Variants in SPRY3 observed in about 807,000 individuals in gnomAD.
SPRY3 encodes protein sprouty homolog 3.
Under a neutral mutation model 20.2 loss-of-function variants are expected in SPRY3, and 15 were observed. The ratio of observed to expected loss-of-function variants is 0.74; its 90% confidence interval spans 0.50 to 1.14. The LOEUF (loss-of-function observed/expected upper bound fraction) is 1.14, where lower values mean the gene tolerates loss of function less well. SPRY3 is among the 50% of genes most tolerant of loss of function. SPRY3 has a pLI of 0.00. For synonymous variants in SPRY3, 143 were observed against 136.5 expected (o/e 1.05, Z -0.33); for missense variants, 364 against 363.9 (o/e 1.00, Z 0.00).
At chrX:155,765,221 A>C (rs1363987887) in intron 2 of SPRY3, among the ~76,000 whole-genome samples, 1 of 152,116 alleles carries the variant, frequency 6.6e-6, no homozygotes, top group Non-Finnish European at 1.5e-5. Context: ...TTAGAACAAA[A>C]ATCCCTGAAG....
At chrX:155,697,337 C>T (rs929700184) in intron 2 of SPRY3, among the ~76,000 whole-genome samples, 10 of 110,184 alleles carry the variant, frequency 9.1e-5, no homozygotes, top group South Asian at 3.9e-4. Flanking sequence ...TGAATTTGGA[C>T]GGGAAGTTAC....
At chrX:155,634,845 A>G (rs1221120801) in intron 1 of SPRY3, among the ~76,000 whole-genome samples, 2 of 107,219 alleles carry the variant, frequency 1.9e-5, no homozygotes, top group Admixed American at 1.0e-4. Flanking sequence ...CCTAAGTTAT[A>G]TATATATATT....
chrX:155,726,755 G>A (rs758901142), intron 2 of SPRY3, among the ~76,000 whole-genome samples: 1 of 152,228 alleles, frequency 6.6e-6, no homozygotes, highest in Non-Finnish European at 1.5e-5. Context: ...GCACACTGAT[G>A]GGTCTTGACT....
At chrX:155,761,708 G>T in intron 2 of SPRY3, among the ~76,000 whole-genome samples, 1 of 140,798 alleles carries the variant, frequency 7.1e-6, no homozygotes. Context: ...AGCCTTGCCA[G>T]CACCTATTTT....
chrX:155,720,291 C>G (rs306933), intron 2 of SPRY3, among the ~76,000 whole-genome samples: 38,086 of 152,050 alleles, frequency 0.25, 5,047 homozygotes, highest in African/African-American at 0.4. Flanking sequence ...AATAGAACAC[C>G]ATTAGACTTC....
At chrX:155,733,145 A>G (rs2091145207) in intron 2 of SPRY3, among the ~76,000 whole-genome samples, 1 of 151,934 alleles carries the variant, frequency 6.6e-6, no homozygotes, top group African/African-American at 2.4e-5. Flanking sequence ...TAAGATAACT[A>G]AAAGAGTATG....
At chrX:155,710,178 CT>C (rs768040721) in intron 2 of SPRY3, among the ~76,000 whole-genome samples, 1 of 151,202 alleles carries the variant, frequency 6.6e-6, no homozygotes, top group African/African-American at 2.4e-5. Flanking sequence ...TTTAGAATTG[CT>C]TTTTTTTATT....
chrX:155,743,353 G>T (rs1389535439), intron 2 of SPRY3, among the ~76,000 whole-genome samples: 1 of 152,060 alleles, frequency 6.6e-6, no homozygotes, highest in Non-Finnish European at 1.5e-5. Flanking sequence ...TGTGCACATG[G>T]TCATGCCAAG....
intron 2 of SPRY3, among the ~76,000 whole-genome samples, chrX:155,696,448 A>G (rs895007320): frequency 1.5e-4 from 17 of 111,446 alleles, no homozygotes; most frequent in African/African-American, 4.9e-4. Flanking sequence ...TAAAACAAAT[A>G]TACACAGCAA....
chrX:155,766,674 A>G (rs1361212793), intron 2 of SPRY3, among the ~76,000 whole-genome samples: 1 of 152,186 alleles, frequency 6.6e-6, no homozygotes, highest in African/African-American at 2.4e-5. Flanking sequence ...ATTGAATTAA[A>G]TAGTGGACTG....
At chrX:155,713,330 T>C in intron 2 of SPRY3, among the ~76,000 whole-genome samples, 2 of 152,270 alleles carry the variant, frequency 1.3e-5, no homozygotes, top group East Asian at 3.9e-4. Context: ...TTCTCATTAA[T>C]GCCCATTAAT....
At chrX:155,773,336 A>ATATATATATATT (rs1255722618) in intron 3 of SPRY3, among the ~76,000 whole-genome samples, 18 of 145,356 alleles carry the variant, frequency 1.2e-4, no homozygotes, top group Non-Finnish European at 2.7e-4. Flanking sequence ...ATATATATAT[A>ATATATATATATT]TATATGAGCA....
At chrX:155,638,335 T>A (rs1557351209) in intron 1 of SPRY3, among the ~76,000 whole-genome samples, 1 of 3,621 alleles carries the variant, frequency 2.8e-4, no homozygotes, top group African/African-American at 4.0e-4. Context: ...TATATATATA[T>A]ATATATATAT....
In SPRY3 at chrX:155,654,958, T is replaced by C. The variant is rs1482439834; in HGVS notation, c.-440-1909T>C. Among the ~76,000 whole-genome samples, 3 of 111,491 alleles carry C rather than the reference T, an allele frequency of 2.7e-5. No individual in the cohort carries two copies. In the Admixed American group the frequency reaches 2.9e-4, roughly 11 times the overall value. ...ATCCCCACACTGTTTTCTGTAGAGGTTGTATTAATTTACATTTCCATCAAC... is the reference window on the plus strand; with the variant it reads ...ATCCCCACACTGTTTTCTGTAGAGGCTGTATTAATTTACATTTCCATCAAC... On this transcript the variant is annotated intron_variant, in intron 1 of 3. Coordinates refer to ENST00000675360, the Ensembl canonical transcript of SPRY3.
At chrX:155,650,568 T>C (rs2067973544) in intron 1 of SPRY3, among the ~76,000 whole-genome samples, 1 of 112,131 alleles carries the variant, frequency 8.9e-6, no homozygotes, top group Non-Finnish European at 1.9e-5. Context: ...GGATGCAGCG[T>C]TCTATATATG....
At chrX:155,748,889 G>C (rs987722751) in intron 2 of SPRY3, among the ~76,000 whole-genome samples, 1 of 151,758 alleles carries the variant, frequency 6.6e-6, no homozygotes, top group African/African-American at 2.4e-5. Context: ...TTCTAATCTA[G>C]GTCTTCATAT....
intron 3 of SPRY3, 141 bp downstream of exon 2, chrX:155,768,277 G>C (rs750257727): frequency 7.2e-5 from 11 of 152,152 alleles, no homozygotes; most frequent in Admixed American, 3.3e-4. Context: ...CAAGCGCATG[G>C]ATAAAATAAA....
At chrX:155,766,633 G>C (rs1569399181) in intron 2 of SPRY3, among the ~76,000 whole-genome samples, 1 of 152,152 alleles carries the variant, frequency 6.6e-6, no homozygotes, top group Admixed American at 6.5e-5. Context: ...AAGTTCTTCT[G>C]TCTGGATGCC....
At chrX:155,758,807 T>C (rs372233014) in intron 2 of SPRY3, among the ~76,000 whole-genome samples, 8 of 152,216 alleles carry the variant, frequency 5.3e-5, no homozygotes, top group African/African-American at 1.9e-4. Context: ...TTTGACACTA[T>C]ATTGGACTAT....
Sources: allele counts gnomAD v4.1 joint callset (sites outside exome capture counted in the v4.1 genomes callset), GRCh38; gene constraint gnomAD v4.1.1; transcripts MANE v1.5; gene names NCBI Gene and HGNC (gene_info 2026-07-23, HGNC 2026-07-21).